The following ARHGEF28 variants were observed in gnomAD, a reference collection of about 807,000 sequenced individuals.
ARHGEF28 encodes the protein 190 kDa guanine nucleotide exchange factor.
ARHGEF28 carries 152 observed loss-of-function variants against 206.6 expected under a neutral mutation model. The observed-to-expected ratio is 0.74, with a 90% confidence interval of 0.64 to 0.84. The LOEUF is 0.84. Ranked by LOEUF, ARHGEF28 falls within the 40% of genes least tolerant of loss-of-function variation. The probability of loss-of-function intolerance (pLI) is 0.00; values close to 1 mark genes in which losing one functional copy is unlikely to be tolerated. For missense variants in ARHGEF28, 2,028 were observed against 2,073.2 expected (o/e 0.98, Z 0.42); for synonymous variants, 763 against 776.4 (o/e 0.98, Z 0.29).
intron 31 of ARHGEF28, chr5:73,903,949 T>C (rs1490118664): frequency 2.1e-6 from 1 of 486,084 alleles, no homozygotes; most frequent in Admixed American, 3.8e-5. Context: ...CAGGGTGTCC[T>C]TACTGTCATC....
chr5:73,711,224 A>G (rs773954067), intron 2 of ARHGEF28, among the ~76,000 whole-genome samples: 7 of 152,174 alleles, frequency 4.6e-5, no homozygotes, highest in Non-Finnish European at 7.3e-5. Context: ...ATTATACTGT[A>G]TTAATTCTTA....
At chr5:73,666,058 C>T (rs938017165) in intron 1 of ARHGEF28, among the ~76,000 whole-genome samples, 1 of 151,948 alleles carries the variant, frequency 6.6e-6, no homozygotes, top group African/African-American at 2.4e-5. Flanking sequence ...CATGTGAAAT[C>T]AAAAGAATAT....
At chr5:73,842,911 C>T (rs555767976) in intron 11 of ARHGEF28, among the ~76,000 whole-genome samples, 19 of 151,144 alleles carry the variant, frequency 1.3e-4, no homozygotes, top group African/African-American at 3.7e-4. Flanking sequence ...TGCCTGAATC[C>T]GGGAGGCACA....
At chr5:73,846,521 A>G (rs1017070438) in intron 12 of ARHGEF28, 46 bp downstream of exon 12, 1 of 1,560,238 alleles carries the variant, frequency 6.4e-7, no homozygotes, top group Non-Finnish European at 8.8e-7. Flanking sequence ...TGTGGAGAAT[A>G]TGTTGTCTGC....
Position 73,776,672 on chromosome 5 carries a change from T to C in ARHGEF28, c.816T>C (p.Phe272=). The change falls in exon 6 of 36, where the codon TTT becomes TTC. Residue 272 remains phenylalanine (F), a synonymous_variant. Coordinates refer to ENST00000513042, the MANE Select transcript of ARHGEF28 (RefSeq NM_001177693.2). ...EADIKLFRKY[F]WDRAFLVKAF... ...ATATTAAACTCTTCCGGAAATACTT[T>C]TGGGATAGAGCCTTTCTTGTCAAGG... 1.2e-6 allele frequency: 2 copies of C among 1,613,558 alleles called. No individual in the cohort carries two copies. The highest frequency in any genetic ancestry group is 1.1e-5 in the South Asian group (1 of 90,994).
chr5:73,687,867 C>A (rs566819717), intron 2 of ARHGEF28, among the ~76,000 whole-genome samples: 1 of 152,078 alleles, frequency 6.6e-6, no homozygotes, highest in African/African-American at 2.4e-5. Flanking sequence ...TTATCTATAT[C>A]TCTGTTGAAT....
intron 2 of ARHGEF28, among the ~76,000 whole-genome samples, chr5:73,741,460 C>A (rs1751430244): frequency 1.5e-5 from 2 of 129,290 alleles, no homozygotes; most frequent in South Asian, 2.7e-4. Flanking sequence ...CACTCTGTTG[C>A]CCAGGCTGGA....
intron 2 of ARHGEF28, among the ~76,000 whole-genome samples, chr5:73,730,859 T>C (rs1265525757): frequency 6.6e-6 from 1 of 152,208 alleles, no homozygotes; most frequent in Non-Finnish European, 1.5e-5. Context: ...TAGAATCTTT[T>C]GGTTTTTTAC....
chr5:73,766,671 A>G (rs908560303), intron 4 of ARHGEF28, among the ~76,000 whole-genome samples: 3 of 152,252 alleles, frequency 2.0e-5, no homozygotes, highest in Non-Finnish European at 4.4e-5. Flanking sequence ...AGGGCCTTAA[A>G]CATCAGTCTT....
In ARHGEF28 at chr5:73,776,682, GC is replaced by G. The variant is rs1561396346; in HGVS notation, c.828del (p.Val279SerfsTer42). On this transcript the variant is annotated frameshift_variant, in exon 6 of 36. Transcript: ENST00000513042. LOFTEE classifies it high-confidence loss of function. ...CTTCCGGAAATACTTTTGGGATAGA[GC>G]CTTTCTTGTCAAGGTTTGTACATAG... ...KLFRKYFWDR[A>X]FLVKAFEPEA... is the part of the protein sequence containing the mutation. 1 of 1,612,970 alleles carries G rather than the reference GC, an allele frequency of 6.2e-7. No homozygotes were observed. Among genetic ancestry groups the G allele is most frequent in the Non-Finnish European group, 8.5e-7 (1 of 1,179,282 alleles).
rs142259231 is a variant in ARHGEF28, at chr5:73,897,173, A to C, written c.3842-789A>C. Among the ~76,000 whole-genome samples the C allele has an allele frequency of 1.0e-3, 154 of 152,288 alleles. 1 individual carries two copies. Among genetic ancestry groups the C allele is most frequent in the African/African-American group, 3.6e-3 (148 of 41,564 alleles). On this transcript the variant is annotated intron_variant, in intron 29 of 35. Transcript: ENST00000513042. ...TGCTCAGTTTTCACCTCCTGTAAAA[A>C]CATATTCCGAATCCTAATAGATAAT...
At chr5:73,634,790 T>C (rs940792954) in intron 1 of ARHGEF28, among the ~76,000 whole-genome samples, 1 of 152,228 alleles carries the variant, frequency 6.6e-6, no homozygotes, top group African/African-American at 2.4e-5. Context: ...CATTCCTTTC[T>C]AAAAGGAGAC....
chr5:73,674,316 A>G (rs1272853766), intron 1 of ARHGEF28, among the ~76,000 whole-genome samples: 1 of 152,200 alleles, frequency 6.6e-6, no homozygotes, highest in Non-Finnish European at 1.5e-5. Context: ...ATGTTACAAA[A>G]GGACTTTGTG....
At chr5:73,740,853 G>T (rs1402506052) in intron 2 of ARHGEF28, among the ~76,000 whole-genome samples, 1 of 152,138 alleles carries the variant, frequency 6.6e-6, no homozygotes, top group Non-Finnish European at 1.5e-5. Flanking sequence ...CATCAATATA[G>T]GGTAGGGCAG....
At chr5:73,894,296 A>G in intron 28 of ARHGEF28, 97 bp from the exon 29 acceptor site, 2 of 1,272,610 alleles carry the variant, frequency 1.6e-6, no homozygotes, top group Admixed American at 4.4e-5. Flanking sequence ...TGGAGGTCTT[A>G]CTGCTTGCTA....
rs766416502 is a variant in ARHGEF28 at position 73,807,988 on chromosome 5, T to A, written c.1024+12597T>A. 2.0e-5 allele frequency among the ~76,000 whole-genome samples: 3 copies of A among 152,290 alleles called. No homozygotes were observed. In the East Asian group the frequency reaches 5.8e-4, roughly 29 times the overall value. ...TTCTAGCTGGGCTTCTAGGTGATAT[T>A]CATTTTTTTCCTCTTAGAGAATAGG... On this transcript the variant is annotated intron_variant, in intron 9 of 35. Transcript: ENST00000513042.
rs560013205 is a variant in ARHGEF28 at position 73,837,769 on chromosome 5, T to C, written c.1147-2711T>C. On this transcript the variant is annotated intron_variant, in intron 10 of 35. Transcript: ENST00000513042. ...TGTTTTTTTTTTTTTTGAGACAGAG[T>C]CTTCCTCTGTCATCCAGGTGGGAGT... 3.4e-5 allele frequency among the ~76,000 whole-genome samples: 5 copies of C among 149,202 alleles called. No homozygotes were observed. In the East Asian group the frequency reaches 9.8e-4, roughly 29 times the overall value.
At position 73,780,717 on chromosome 5, in the gene ARHGEF28, G is replaced by T. The variant is rs931638932; in HGVS notation, c.882G>T (p.Met294Ile). 14 of 1,558,952 alleles carry T rather than the reference G, an allele frequency of 9.0e-6. No individual in the cohort carries two copies. Among genetic ancestry groups the T allele is most frequent in the Non-Finnish European group, 1.2e-5 (14 of 1,151,182 alleles). The change falls in exon 7 of 36, where the codon ATG becomes ATT. Residue 294 changes from methionine (M) to isoleucine (I), a missense_variant. Coordinates refer to ENST00000513042, the MANE Select transcript of ARHGEF28 (RefSeq NM_001177693.2). ...PEARPEERTA[M>I]PSSGAETEEE... Reference sequence around the variant, plus strand: ...CCAGGCCAGAGGAAAGAACAGCTATGCCCTCCAGCGGTGCAGAAACTGAAG... The same window carrying T: ...CCAGGCCAGAGGAAAGAACAGCTATTCCCTCCAGCGGTGCAGAAACTGAAG...
At chr5:73,819,450 C>A (rs4704098) in intron 9 of ARHGEF28, among the ~76,000 whole-genome samples, 19,853 of 152,176 alleles carry the variant, frequency 0.13, 1,380 homozygotes, top group East Asian at 0.2. Flanking sequence ...GGGTTGGGCA[C>A]ATGATTTAAG....
Sources: allele counts gnomAD v4.1 joint callset (sites outside exome capture counted in the v4.1 genomes callset), GRCh38; gene constraint gnomAD v4.1.1; transcripts MANE v1.5; gene names NCBI Gene and HGNC (gene_info 2026-07-23, HGNC 2026-07-21).